Variants in SEZ6L observed in about 807,000 individuals in gnomAD.
SEZ6L encodes the protein seizure 6-like protein.
A neutral mutation model predicts 106.2 loss-of-function variants in SEZ6L; 37 were observed. That is an observed-to-expected ratio of 0.35 (90% CI 0.27 to 0.46). SEZ6L has a LOEUF of 0.46. Among genes scored for constraint, SEZ6L ranks in the 20% least tolerant of loss-of-function variants. The probability of loss-of-function intolerance (pLI) is 1.00; values close to 1 mark genes in which losing one functional copy is unlikely to be tolerated. For missense variants in SEZ6L, 1,172 were observed against 1,332.8 expected (o/e 0.88, Z 1.88); for synonymous variants, 541 against 570.4 (o/e 0.95, Z 0.73).
chr22:26,219,254 G>GTTGTT (rs1556124263), intron 1 of SEZ6L, among the ~76,000 whole-genome samples: 1 of 135,088 alleles, frequency 7.4e-6, no homozygotes, highest in Non-Finnish European at 1.6e-5. Context: ...AGAAATACAA[G>GTTGTT]TTTTTTTTTT....
At chr22:26,356,434 G>A (rs1409021485) in intron 12 of SEZ6L, among the ~76,000 whole-genome samples, 1 of 151,942 alleles carries the variant, frequency 6.6e-6, no homozygotes, top group African/African-American at 2.4e-5. Flanking sequence ...CTGAGGTCAG[G>A]GGTTCGAGAC....
chr22:26,234,943 C>CAGTAGAG (rs2078914264), intron 1 of SEZ6L, among the ~76,000 whole-genome samples: 1 of 152,090 alleles, frequency 6.6e-6, no homozygotes, highest in Non-Finnish European at 1.5e-5. Flanking sequence ...GGTAGAGATA[C>CAGTAGAG]CCCCAACGGC....
chr22:26,197,727 T>C (rs1302192352), intron 1 of SEZ6L, among the ~76,000 whole-genome samples: 1 of 152,172 alleles, frequency 6.6e-6, no homozygotes, highest in Non-Finnish European at 1.5e-5. Flanking sequence ...TTTTTCTAAA[T>C]GGAACACAGG....
intron 12 of SEZ6L, among the ~76,000 whole-genome samples, chr22:26,356,778 C>T (rs1601602099): frequency 6.6e-6 from 1 of 151,958 alleles, no homozygotes; most frequent in Admixed American, 6.6e-5. Flanking sequence ...CTTCGCCACC[C>T]TAATTTCCTG....
At chr22:26,272,277 T>C (rs866321554) in intron 1 of SEZ6L, among the ~76,000 whole-genome samples, 8 of 152,314 alleles carry the variant, frequency 5.3e-5, no homozygotes, top group East Asian at 3.9e-4. Flanking sequence ...GTTCTTACAA[T>C]TGGGGGGAGT....
At chr22:26,351,386 C>T (rs2083273407) in intron 12 of SEZ6L, 143 bp downstream of exon 12, 1 of 644,134 alleles carries the variant, frequency 1.6e-6, no homozygotes, top group Non-Finnish European at 2.6e-6. Flanking sequence ...AAAACAGTAC[C>T]TAACACTGAT....
chr22:26,296,957 G>T lies in SEZ6L; in HGVS notation c.1039G>T (p.Val347Phe). ...CGGGGTGGACGGCCCTACCCTGACC[G>T]TCCTGGCCAACCAGACACTCCTGGT... ...IRGVDGPTLT[V>F]LANQTLLVEG... The change falls in exon 4 of 17, where the codon GTC becomes TTC. Residue 347 changes from valine (V) to phenylalanine (F), a missense_variant. Transcript: ENST00000248933. 1 of 1,614,076 alleles carries T rather than the reference G, an allele frequency of 6.2e-7. No homozygotes were observed. Among genetic ancestry groups the T allele is most frequent in the Non-Finnish European group, 8.5e-7 (1 of 1,179,998 alleles).
At chr22:26,254,881 C>G (rs2079754188) in intron 1 of SEZ6L, among the ~76,000 whole-genome samples, 1 of 152,072 alleles carries the variant, frequency 6.6e-6, no homozygotes. Flanking sequence ...CTACACAGCT[C>G]TATTTATTAA....
At chr22:26,360,017 C>A (rs893639868) in intron 12 of SEZ6L, among the ~76,000 whole-genome samples, 17 of 152,090 alleles carry the variant, frequency 1.1e-4, no homozygotes, top group African/African-American at 4.1e-4. Context: ...ATATGCAAAT[C>A]ATCTAATACA....
Position 26,292,503 on chromosome 22 carries a change from G to A in SEZ6L, c.192G>A (p.Glu64=), listed in dbSNP as rs999815088. ...RGSPGKEHPE[E]RVVTAPPSSS... ...GTCCTGGCAAAGAGCACCCTGAAGA[G>A]AGAGTGGTAACAGCGCCCCCCAGTT... Residue 64 remains glutamate (E), a synonymous_variant, in exon 2 of 17, where the codon GAG becomes GAA. Transcript: ENST00000248933. 1.9e-6 allele frequency: 3 copies of A among 1,613,998 alleles called. No individual in the cohort carries two copies. Among genetic ancestry groups the A allele is most frequent in the Non-Finnish European group, 2.5e-6 (3 of 1,179,938 alleles).
chr22:26,274,886 A>T, intron 1 of SEZ6L, among the ~76,000 whole-genome samples: 1 of 152,238 alleles, frequency 6.6e-6, no homozygotes, highest in East Asian at 1.9e-4. Flanking sequence ...TTGACCACTC[A>T]TGTGGCTACC....
intron 1 of SEZ6L, among the ~76,000 whole-genome samples, chr22:26,200,354 A>C (rs1317890307): frequency 6.6e-6 from 1 of 152,048 alleles, no homozygotes; most frequent in African/African-American, 2.4e-5. Flanking sequence ...TTTTTTGAGC[A>C]CTGACTATGC....
chr22:26,272,005 T>G (rs1222629347), intron 1 of SEZ6L, among the ~76,000 whole-genome samples: 3 of 152,202 alleles, frequency 2.0e-5, no homozygotes, highest in Non-Finnish European at 4.4e-5. Flanking sequence ...AAACAAGGAA[T>G]GAACTACCAC....
At chr22:26,343,469 A>C (rs910764947) in intron 10 of SEZ6L, among the ~76,000 whole-genome samples, 1 of 152,228 alleles carries the variant, frequency 6.6e-6, no homozygotes, top group African/African-American at 2.4e-5. Flanking sequence ...TTTGTGTGAC[A>C]ACTTACAGTT....
At chr22:26,273,936 A>G (rs2080455330) in intron 1 of SEZ6L, among the ~76,000 whole-genome samples, 1 of 152,020 alleles carries the variant, frequency 6.6e-6, no homozygotes. Flanking sequence ...GCGTGGACAG[A>G]GTCACCTGAG....
intron 1 of SEZ6L, among the ~76,000 whole-genome samples, chr22:26,245,620 C>T (rs1219955799): frequency 2.6e-5 from 4 of 152,142 alleles, no homozygotes; most frequent in Non-Finnish European, 5.9e-5. Flanking sequence ...GTAAGCAGGT[C>T]AAAATGCTAG....
At chr22:26,375,473 C>A in intron 14 of SEZ6L, 102 bp from the exon 15 acceptor site, 1 of 878,548 alleles carries the variant, frequency 1.1e-6, no homozygotes, top group African/African-American at 1.6e-5. Context: ...GAGCCTTAGA[C>A]CTTGGAAAGC....
At chr22:26,171,880 A>G (rs747455638) in intron 1 of SEZ6L, among the ~76,000 whole-genome samples, 2 of 152,140 alleles carry the variant, frequency 1.3e-5, no homozygotes, top group Non-Finnish European at 2.9e-5. Context: ...TTTTTAATGT[A>G]GAGCCCAACA....
At chr22:26,352,520 A>G (rs1264137295) in intron 12 of SEZ6L, among the ~76,000 whole-genome samples, 1 of 152,242 alleles carries the variant, frequency 6.6e-6, no homozygotes, top group Non-Finnish European at 1.5e-5. Flanking sequence ...CAATTTATAG[A>G]CTTGGCCACC....
Sources: gnomAD v4.1 joint callset for allele counts (sites outside exome capture counted in the v4.1 genomes callset) on GRCh38, gnomAD v4.1.1 for gene constraint, MANE v1.5 for transcripts, NCBI Gene and HGNC (gene_info 2026-07-23, HGNC 2026-07-21) for gene names.